Variants in AKAP19 observed in about 807,000 individuals in gnomAD.
AKAP19 encodes the protein A-kinase anchoring protein 19.
chr2:189,967,247 G>A, the AKAP19 span, among the ~76,000 whole-genome samples: 2 of 152,164 alleles, frequency 1.3e-5, no homozygotes, highest in Admixed American at 6.5e-5. Flanking sequence ...CTGGGTTCCT[G>A]GATAGCAATG....
At chr2:190,153,682 T>C in the AKAP19 span, among the ~76,000 whole-genome samples, 1 of 152,228 alleles carries the variant, frequency 6.6e-6, no homozygotes, top group East Asian at 1.9e-4. Flanking sequence ...TTTATTAATA[T>C]GGTAAATTAC....
At chr2:190,106,902 C>T in the AKAP19 span, among the ~76,000 whole-genome samples, 1,789 of 152,268 alleles carry the variant, frequency 0.012, 30 homozygotes, top group African/African-American at 0.039. Flanking sequence ...GTGACCATCA[C>T]TGAGGAACAG....
chr2:190,120,458 T>TAA, the AKAP19 span, among the ~76,000 whole-genome samples: 3 of 152,134 alleles, frequency 2.0e-5, no homozygotes, highest in Non-Finnish European at 4.4e-5. Flanking sequence ...GCATAAAGGA[T>TAA]AAAATTAATG....
At chr2:189,941,501 T>C in the AKAP19 span, among the ~76,000 whole-genome samples, 1 of 152,106 alleles carries the variant, frequency 6.6e-6, no homozygotes, top group African/African-American at 2.4e-5. Flanking sequence ...AAACGTAAAG[T>C]TTTTGTTTTG....
the AKAP19 span, chr2:190,200,228 G>A: frequency 8.8e-7 from 1 of 1,140,908 alleles, no homozygotes; most frequent in East Asian, 2.4e-5. Context: ...GTGTGAAAAA[G>A]TACAAATAAC....
the AKAP19 span, among the ~76,000 whole-genome samples, chr2:190,033,151 A>C: frequency 6.6e-6 from 1 of 152,330 alleles, no homozygotes; most frequent in African/African-American, 2.4e-5. Flanking sequence ...CAGCCATGCC[A>C]GCAGCAAGAC....
At chr2:189,977,817 A>G in the AKAP19 span, among the ~76,000 whole-genome samples, 1 of 152,220 alleles carries the variant, frequency 6.6e-6, no homozygotes, top group Non-Finnish European at 1.5e-5. Context: ...ACATATTTAC[A>G]AAGTCCTTGA....
chr2:189,955,842 C>G, the AKAP19 span, among the ~76,000 whole-genome samples: 1 of 152,158 alleles, frequency 6.6e-6, no homozygotes, highest in African/African-American at 2.4e-5. Flanking sequence ...TAAGTCATCT[C>G]ACTCAGGGTT....
the AKAP19 span, among the ~76,000 whole-genome samples, chr2:190,149,424 T>G: frequency 6.6e-6 from 1 of 152,166 alleles, no homozygotes. Context: ...GAATGTGAGT[T>G]TGTGCTCTTT....
chr2:190,021,135 G>T, the AKAP19 span, among the ~76,000 whole-genome samples: 7 of 152,082 alleles, frequency 4.6e-5, no homozygotes, highest in East Asian at 9.7e-4. Context: ...AATTCTTTTG[G>T]ATATATACCC....
the AKAP19 span, among the ~76,000 whole-genome samples, chr2:189,949,516 A>G: frequency 1.3e-5 from 2 of 151,934 alleles, no homozygotes; most frequent in African/African-American, 2.4e-5. Context: ...AAGAAAAAAA[A>G]AAAGGAAAAA....
At chr2:190,114,312 C>G in the AKAP19 span, among the ~76,000 whole-genome samples, 1 of 152,196 alleles carries the variant, frequency 6.6e-6, no homozygotes, top group African/African-American at 2.4e-5. Flanking sequence ...ATCTCACTGC[C>G]TACTCCTGGA....
the AKAP19 span, among the ~76,000 whole-genome samples, chr2:190,082,038 G>A: frequency 6.6e-6 from 1 of 152,166 alleles, no homozygotes; most frequent in African/African-American, 2.4e-5. Context: ...TACCTGGTAA[G>A]AGACCACTGA....
the AKAP19 span, among the ~76,000 whole-genome samples, chr2:189,958,636 C>G: frequency 2.7e-5 from 4 of 150,316 alleles, no homozygotes; most frequent in South Asian, 8.4e-4. Flanking sequence ...CATATGTGCA[C>G]CAGGACAGTT....
At chr2:190,049,010 T>C in the AKAP19 span, among the ~76,000 whole-genome samples, 2 of 152,110 alleles carry the variant, frequency 1.3e-5, no homozygotes, top group African/African-American at 4.8e-5. Flanking sequence ...AGTAGGCCTT[T>C]CTAAGTATTA....
the AKAP19 span, among the ~76,000 whole-genome samples, chr2:190,020,513 T>C: frequency 6.6e-6 from 1 of 152,228 alleles, no homozygotes; most frequent in Non-Finnish European, 1.5e-5. Context: ...GTCAGTACTA[T>C]GTATCAGACA....
the AKAP19 span, among the ~76,000 whole-genome samples, chr2:190,038,935 T>TTCTTCTTCC: frequency 2.7e-4 from 38 of 141,678 alleles, 2 homozygotes; most frequent in African/African-American, 1.0e-3. Context: ...CTTCTTCTTC[T>TTCTTCTTCC]TCTTCTTCTT....
chr2:189,962,385 A>T, the AKAP19 span, among the ~76,000 whole-genome samples: 1 of 152,218 alleles, frequency 6.6e-6, no homozygotes, highest in East Asian at 1.9e-4. Flanking sequence ...CCCTGTCATT[A>T]AGTGACACAT....
At chr2:190,172,434 A>T in the AKAP19 span, among the ~76,000 whole-genome samples, 1 of 152,164 alleles carries the variant, frequency 6.6e-6, no homozygotes, top group Non-Finnish European at 1.5e-5. Flanking sequence ...AACACAGAAA[A>T]CCTAGAAAAT....
Sources: allele counts gnomAD v4.1 joint callset (sites outside exome capture counted in the v4.1 genomes callset), GRCh38; gene constraint gnomAD v4.1.1; transcripts MANE v1.5; gene names NCBI Gene and HGNC (gene_info 2026-07-23, HGNC 2026-07-21).